ARMC2: variants seen among roughly 807,000 people sequenced by gnomAD.
ARMC2 encodes the protein armadillo repeat containing 2, also known as armadillo repeat-containing protein 2.
A neutral mutation model predicts 90.3 loss-of-function variants in ARMC2; 67 were observed. The ratio of observed to expected loss-of-function variants is 0.74; its 90% CI spans 0.61 to 0.91. The LOEUF (loss-of-function observed/expected upper bound fraction) is 0.91. Among genes scored for constraint, ARMC2 ranks in the 40% least tolerant of loss-of-function variants. The probability of loss-of-function intolerance (pLI) is 0.00; values close to 1 mark genes in which losing one functional copy is unlikely to be tolerated. For missense variants in ARMC2, 920 were observed against 1,030.9 expected (o/e 0.89, Z 1.47); for synonymous variants, 393 against 393.0 (o/e 1.00, Z 0.00).
At chr6:108,972,194 C>T (rs1288395152) in intron 17 of ARMC2, among the ~76,000 whole-genome samples, 1 of 152,204 alleles carries the variant, frequency 6.6e-6, no homozygotes. Flanking sequence ...GGTCATTTAT[C>T]TTCCTACCTG....
the ARMC2 span, among the ~76,000 whole-genome samples, chr6:109,042,415 C>G: frequency 6.6e-6 from 1 of 151,010 alleles, no homozygotes; most frequent in Non-Finnish European, 1.5e-5. Flanking sequence ...GTGAAACAAA[C>G]TGCTGGTTCT....
the ARMC2 span, among the ~76,000 whole-genome samples, chr6:109,016,127 T>G: frequency 6.6e-6 from 1 of 152,240 alleles, no homozygotes; most frequent in African/African-American, 2.4e-5. Context: ...TTAAAATGTT[T>G]GGGCTAAATG....
At chr6:109,024,608 A>C in the ARMC2 span, among the ~76,000 whole-genome samples, 1 of 152,246 alleles carries the variant, frequency 6.6e-6, no homozygotes, top group African/African-American at 2.4e-5. Flanking sequence ...AAATATCATA[A>C]GTAAAAAATG....
At chr6:109,052,164 T>C in the ARMC2 span, among the ~76,000 whole-genome samples, 1 of 152,194 alleles carries the variant, frequency 6.6e-6, no homozygotes, top group South Asian at 2.1e-4. Flanking sequence ...AAGAAAGGAA[T>C]TGTTGCTTAT....
the ARMC2 span, among the ~76,000 whole-genome samples, chr6:109,044,282 A>C: frequency 7.6e-6 from 1 of 130,990 alleles, no homozygotes; most frequent in East Asian, 2.7e-4. Flanking sequence ...ACCACACTCC[A>C]GCCTAGATGA....
At chr6:108,862,479 G>A (rs751734000) in intron 3 of ARMC2, among the ~76,000 whole-genome samples, 1 of 152,050 alleles carries the variant, frequency 6.6e-6, no homozygotes, top group South Asian at 2.1e-4. Context: ...TTATGTGAGG[G>A]TCTTAAGTAC....
At chr6:108,865,424 C>T (rs1775718394) in intron 3 of ARMC2, among the ~76,000 whole-genome samples, 1 of 152,310 alleles carries the variant, frequency 6.6e-6, no homozygotes, top group Admixed American at 6.5e-5. Context: ...TAGAACTTGG[C>T]ATAAAAGAAA....
At chr6:108,995,336 G>A in the ARMC2 span, among the ~76,000 whole-genome samples, 1 of 152,160 alleles carries the variant, frequency 6.6e-6, no homozygotes, top group Admixed American at 6.5e-5. Context: ...TTGTCAATGT[G>A]TCTATCATCT....
At chr6:109,046,681 C>T in the ARMC2 span, among the ~76,000 whole-genome samples, 5 of 135,098 alleles carry the variant, frequency 3.7e-5, no homozygotes, top group Admixed American at 7.1e-5. Flanking sequence ...AAGTGAGGAG[C>T]GTCTCTGCCC....
chr6:108,871,291 A>G (rs1167177961), intron 4 of ARMC2, among the ~76,000 whole-genome samples: 2 of 152,144 alleles, frequency 1.3e-5, no homozygotes, highest in African/African-American at 4.8e-5. Flanking sequence ...GGGTTTACCA[A>G]AGGGAGAGAC....
intron 4 of ARMC2, 65 bp downstream of exon 4, chr6:108,869,060 G>T: frequency 6.8e-7 from 1 of 1,476,658 alleles, no homozygotes; most frequent in Non-Finnish European, 9.0e-7. Context: ...GCACACAAAA[G>T]CTAATTTTAT....
At chr6:108,968,539 G>C (rs1000845057) in intron 17 of ARMC2, among the ~76,000 whole-genome samples, 1 of 152,194 alleles carries the variant, frequency 6.6e-6, no homozygotes, top group African/African-American at 2.4e-5. Context: ...GGGCTGTGCT[G>C]CCTCCTGGCT....
chr6:108,862,215 A>G (rs1371577045), intron 3 of ARMC2, among the ~76,000 whole-genome samples: 4 of 151,814 alleles, frequency 2.6e-5, no homozygotes, highest in African/African-American at 7.3e-5. Flanking sequence ...GTGGTGGCGC[A>G]TGCCTCTAAC....
Position 108,965,026 on chromosome 6 carries a change from G to C in ARMC2, c.2332G>C (p.Ala778Pro). 3 of 1,613,568 alleles carry C rather than the reference G, an allele frequency of 1.9e-6. No homozygotes were observed. Among genetic ancestry groups the C allele is most frequent in the Non-Finnish European group, 2.5e-6 (3 of 1,179,568 alleles). ...TTTGGGTCCTACTGATTGGCAGCTGGCCTGCTTGGTTTGTAAAACTTTATG... is the reference window on the plus strand; with the variant it reads ...TTTGGGTCCTACTGATTGGCAGCTGCCCTGCTTGGTTTGTAAAACTTTATG... ...RDLGPTDWQL[A>P]CLVCKTLWNF... The change falls in exon 17 of 18, where the codon GCC becomes CCC. Residue 778 changes from alanine (A) to proline (P), a missense_variant. Ala to Pro is a conservative substitution (Grantham distance 27, BLOSUM62 -1). Coordinates refer to ENST00000392644, the MANE Select transcript of ARMC2 (RefSeq NM_032131.6).
At chr6:108,992,100 CTTAT>C in the ARMC2 span, among the ~76,000 whole-genome samples, 8 of 151,722 alleles carry the variant, frequency 5.3e-5, 1 homozygote, top group Non-Finnish European at 1.0e-4. Flanking sequence ...TGCCCCTTAG[CTTAT>C]TTATTATTTT....
At chr6:109,001,720 G>C in the ARMC2 span, among the ~76,000 whole-genome samples, 1 of 152,168 alleles carries the variant, frequency 6.6e-6, no homozygotes, top group South Asian at 2.1e-4. Context: ...CATCTAGATA[G>C]GCTGCTTGCA....
intron 10 of ARMC2, among the ~76,000 whole-genome samples, chr6:108,925,873 T>G (rs1775061842): frequency 1.3e-5 from 2 of 152,190 alleles, no homozygotes; most frequent in African/African-American, 4.8e-5. Context: ...GGGTAGGAAT[T>G]TCAATCAAAT....
intron 4 of ARMC2, among the ~76,000 whole-genome samples, chr6:108,872,193 GC>G (rs1776487045): frequency 6.6e-6 from 1 of 152,196 alleles, no homozygotes; most frequent in South Asian, 2.1e-4. Context: ...GGGTGTGGTG[GC>G]AGGTTTGGAA....
chr6:109,008,521 G>A, the ARMC2 span, among the ~76,000 whole-genome samples: 3 of 152,160 alleles, frequency 2.0e-5, no homozygotes. Context: ...ATAGTATACT[G>A]ATAATAGACT....
Sources: allele counts gnomAD v4.1 joint callset (sites outside exome capture counted in the v4.1 genomes callset), GRCh38; gene constraint gnomAD v4.1.1; transcripts MANE v1.5; gene names NCBI Gene and HGNC (gene_info 2026-07-23, HGNC 2026-07-21).